RBMS3: variants seen among roughly 807,000 people sequenced by gnomAD.
The protein encoded by RBMS3 is RNA binding motif single stranded interacting protein 3.
RBMS3 carries 27 observed loss-of-function variants against 66.8 expected under a neutral mutation model. That is an observed-to-expected ratio of 0.40 (90% CI 0.30 to 0.56). The LOEUF (loss-of-function observed/expected upper bound fraction) is 0.56, where lower values mean the gene tolerates loss of function less well. RBMS3 is among the 20% of genes least tolerant of loss of function. The pLI, the probability that RBMS3 is intolerant of heterozygous loss-of-function variation, is 0.40. For synonymous variants in RBMS3, 188 were observed against 183.0 expected, an observed-to-expected ratio of 1.03 and a Z score of -0.22; for missense variants, 513 against 549.5, an observed-to-expected ratio of 0.93 and a Z score of 0.66.
intron 4 of RBMS3, among the ~76,000 whole-genome samples, chr3:29,656,206 G>A (rs373037569): frequency 2.0e-5 from 3 of 152,242 alleles, no homozygotes; most frequent in South Asian, 2.1e-4. Context: ...AGTGTACAAC[G>A]ATGTTCTAGG....
At chr3:29,418,328 G>T (rs2040564439) in intron 1 of RBMS3, among the ~76,000 whole-genome samples, 1 of 152,154 alleles carries the variant, frequency 6.6e-6, no homozygotes, top group Admixed American at 6.5e-5. Context: ...GTCCAGGATA[G>T]AAACTGGTGG....
At chr3:29,628,708 T>A (rs1188622271) in intron 4 of RBMS3, among the ~76,000 whole-genome samples, 1 of 152,160 alleles carries the variant, frequency 6.6e-6, no homozygotes, top group African/African-American at 2.4e-5. Flanking sequence ...ACATTGTTTT[T>A]ACGCTGACAG....
chr3:29,877,959 C>T (rs1379393635), intron 7 of RBMS3, among the ~76,000 whole-genome samples: 3 of 152,016 alleles, frequency 2.0e-5, no homozygotes, highest in African/African-American at 7.3e-5. Flanking sequence ...TACCGTGGTC[C>T]TCATCATTCT....
At chr3:29,680,319 A>T (rs537582442) in intron 4 of RBMS3, among the ~76,000 whole-genome samples, 1 of 152,372 alleles carries the variant, frequency 6.6e-6, no homozygotes, top group South Asian at 2.1e-4. Context: ...GGGTTAAGAT[A>T]CATTAACTTG....
chr3:29,828,988 TTCTTTC>T (rs960492334), intron 6 of RBMS3, among the ~76,000 whole-genome samples: 9 of 39,172 alleles, frequency 2.3e-4, no homozygotes, highest in African/African-American at 8.1e-4. Context: ...CTTTCTTTCT[TTCTTTC>T]TTTCTTTCTT....
intron 6 of RBMS3, among the ~76,000 whole-genome samples, chr3:29,821,134 A>G (rs928609178): frequency 1.3e-5 from 2 of 152,212 alleles, no homozygotes; most frequent in African/African-American, 4.8e-5. Flanking sequence ...CAAACAGCCA[A>G]GTATACATAT....
chr3:29,960,857 G>A (rs938937976), intron 12 of RBMS3, among the ~76,000 whole-genome samples: 2 of 152,036 alleles, frequency 1.3e-5, no homozygotes, highest in African/African-American at 4.8e-5. Flanking sequence ...ACAGTGAAGG[G>A]ACCCTGGGCC....
intron 4 of RBMS3, among the ~76,000 whole-genome samples, chr3:29,692,914 T>C (rs2052095687): frequency 6.6e-6 from 1 of 152,224 alleles, no homozygotes; most frequent in Non-Finnish European, 1.5e-5. Flanking sequence ...TACATTGTGC[T>C]CATTTATGTT....
chr3:29,310,818 G>T (rs1432789022), intron 1 of RBMS3, among the ~76,000 whole-genome samples: 1 of 151,664 alleles, frequency 6.6e-6, no homozygotes, highest in African/African-American at 2.4e-5. Context: ...TGGCATATTT[G>T]TCCCTGTTTA....
intron 3 of RBMS3, among the ~76,000 whole-genome samples, chr3:29,581,639 T>A (rs546879754): frequency 6.6e-6 from 1 of 152,368 alleles, no homozygotes; most frequent in East Asian, 1.9e-4. Context: ...AAATGTTTGC[T>A]TTTTCTGTTT....
chr3:29,329,846 T>A (rs1411205606), intron 1 of RBMS3, among the ~76,000 whole-genome samples: 1 of 147,956 alleles, frequency 6.8e-6, no homozygotes, highest in African/African-American at 2.4e-5. Flanking sequence ...ATGTGAAAAA[T>A]TTTAATATAT....
chr3:29,417,595 C>T (rs1370344992), intron 1 of RBMS3, among the ~76,000 whole-genome samples: 1 of 151,996 alleles, frequency 6.6e-6, no homozygotes, highest in Non-Finnish European at 1.5e-5. Context: ...AAAGAATGTC[C>T]CCCTTTCTGC....
At chr3:29,877,579 A>G (rs2059637676) in intron 7 of RBMS3, among the ~76,000 whole-genome samples, 1 of 152,164 alleles carries the variant, frequency 6.6e-6, no homozygotes, top group Non-Finnish European at 1.5e-5. Context: ...GAATTTCCCT[A>G]TTTATGATCT....
chr3:29,592,805 A>G (rs2047793930), intron 4 of RBMS3, among the ~76,000 whole-genome samples: 2 of 152,108 alleles, frequency 1.3e-5, no homozygotes, highest in South Asian at 4.1e-4. Context: ...TGGCACATAT[A>G]CACCATGGAA....
In RBMS3 at chr3:29,385,274, A is replaced by G. The variant is rs1575674400; in HGVS notation, c.76-49469A>G. ...CCAGCAGACCTTCGCAACTAATCCT[A>G]TTACCGCAGGACTCCCAGGACTGTC... On this transcript the variant is annotated intron_variant, in intron 1 of 14. Coordinates refer to ENST00000383767, the MANE Select transcript of RBMS3 (RefSeq NM_001003793.3). 2.0e-5 allele frequency among the ~76,000 whole-genome samples: 3 copies of G among 152,150 alleles called. No homozygotes were observed. In the East Asian group the frequency reaches 5.8e-4, roughly 30 times the overall value.
chr3:29,718,292 CAT>C (rs935085619), intron 4 of RBMS3, among the ~76,000 whole-genome samples: 4 of 152,080 alleles, frequency 2.6e-5, no homozygotes, highest in African/African-American at 9.7e-5. Context: ...CTATATATCA[CAT>C]GTCTATATTA....
At chr3:29,717,560 G>C (rs147376676) in intron 4 of RBMS3, among the ~76,000 whole-genome samples, 2 of 151,970 alleles carry the variant, frequency 1.3e-5, no homozygotes, top group African/African-American at 4.8e-5. Context: ...ATATGAATTG[G>C]TATCTTTTAA....
chr3:29,508,524 C>T (rs1241593916), intron 3 of RBMS3, among the ~76,000 whole-genome samples: 1 of 152,154 alleles, frequency 6.6e-6, no homozygotes, highest in African/African-American at 2.4e-5. Flanking sequence ...CTGCAAAGGA[C>T]ATGAACTCAT....
At chr3:29,747,023 C>G (rs1233372021) in intron 5 of RBMS3, among the ~76,000 whole-genome samples, 1 of 152,168 alleles carries the variant, frequency 6.6e-6, no homozygotes, top group African/African-American at 2.4e-5. Flanking sequence ...ATGTCTTTGA[C>G]CTGTACCTGC....
Sources: gnomAD v4.1 joint callset for allele counts (sites outside exome capture counted in the v4.1 genomes callset) on GRCh38, gnomAD v4.1.1 for gene constraint, MANE v1.5 for transcripts, NCBI Gene and HGNC (gene_info 2026-07-23, HGNC 2026-07-21) for gene names.